The following CPA6 variants were observed in gnomAD, a reference collection of about 807,000 sequenced individuals.
CPA6 encodes the protein carboxypeptidase A6, also known as carboxypeptidase B.
In CPA6, 58 loss-of-function variants were observed where a neutral mutation model predicts 63.3. The observed-to-expected ratio is 0.92, with a 90% CI of 0.74 to 1.14. The LOEUF is 1.14. CPA6 is among the 50% of genes most tolerant of loss of function. The probability of loss-of-function intolerance (pLI) is 0.00; values close to 1 mark genes in which losing one functional copy is unlikely to be tolerated. For missense variants in CPA6, 565 were observed against 526.6 expected (o/e 1.07, Z -0.71); for synonymous variants, 185 against 179.0 (o/e 1.03, Z -0.27).
chr8:67,518,939 T>G (rs1326790909), intron 2 of CPA6, among the ~76,000 whole-genome samples: 1 of 152,132 alleles, frequency 6.6e-6, no homozygotes, highest in Non-Finnish European at 1.5e-5. Flanking sequence ...GTAGGTCTCC[T>G]TGTCATAGTT....
intron 1 of CPA6, among the ~76,000 whole-genome samples, chr8:67,633,611 G>A (rs1815394936): frequency 6.6e-6 from 1 of 151,582 alleles, no homozygotes; most frequent in South Asian, 2.1e-4. Flanking sequence ...AACCAGGGAG[G>A]CGGAGCTTGC....
intron 2 of CPA6, among the ~76,000 whole-genome samples, chr8:67,573,614 C>T (rs78628575): frequency 0.068 from 10,309 of 151,814 alleles, 633 homozygotes; most frequent in African/African-American, 0.16. Flanking sequence ...GGAAAGAGGC[C>T]GGGCACGGTG....
chr8:67,610,890 A>G (rs76882049), intron 2 of CPA6, among the ~76,000 whole-genome samples: 3,948 of 152,302 alleles, frequency 0.026, 83 homozygotes, highest in African/African-American at 0.062. Flanking sequence ...ATTTTTTTCA[A>G]TCTATAAATT....
intron 1 of CPA6, among the ~76,000 whole-genome samples, chr8:67,640,316 G>A (rs1278128612): frequency 1.3e-5 from 2 of 151,318 alleles, no homozygotes; most frequent in East Asian, 1.9e-4. Flanking sequence ...GGCCAGCATC[G>A]AGCTGCCTTC....
chr8:67,531,867 T>C (rs1448350266), intron 2 of CPA6, among the ~76,000 whole-genome samples: 4 of 152,300 alleles, frequency 2.6e-5, no homozygotes, highest in Admixed American at 6.5e-5. Flanking sequence ...TGATCTCTGA[T>C]TACAATGTAA....
intron 1 of CPA6, among the ~76,000 whole-genome samples, chr8:67,651,369 A>C (rs188686264): frequency 5.2e-4 from 79 of 152,298 alleles, no homozygotes; most frequent in Middle Eastern, 3.4e-3. Flanking sequence ...GCAGCATGGA[A>C]TTGCCTAATG....
chr8:67,522,957 T>C (rs1229311144), intron 2 of CPA6, among the ~76,000 whole-genome samples: 6 of 152,224 alleles, frequency 3.9e-5, no homozygotes, highest in African/African-American at 1.4e-4. Context: ...GCTGACAAAG[T>C]GGTACCGAAG....
chr8:67,518,020 A>T lies in CPA6; in HGVS notation c.220T>A (p.Ser74Thr). 6.2e-7 allele frequency: 1 copy of T among 1,608,048 alleles called. No homozygotes were observed. Among genetic ancestry groups the T allele is most frequent in the Non-Finnish European group, 8.5e-7 (1 of 1,177,830 alleles). Residue 74 changes from serine to threonine, a missense_variant, in exon 3 of 11, where the codon TCC (serine) becomes ACC (threonine). Coordinates refer to ENST00000297770, the MANE Select transcript of CPA6 (RefSeq NM_020361.5). Reference sequence around the variant, plus strand: ...GTAACTGTTCCCTCTGATACATAGGAGATACTGCTGGGCTGCCACAGGTCC... The same window carrying T: ...GTAACTGTTCCCTCTGATACATAGGTGATACTGCTGGGCTGCCACAGGTCC... ...KVDLWQPSSI[S>T]YVSEGTVTDV... is the part of the protein sequence containing the mutation.
At chr8:67,532,733 AC>A (rs1461448640) in intron 2 of CPA6, among the ~76,000 whole-genome samples, 1 of 152,192 alleles carries the variant, frequency 6.6e-6, no homozygotes, top group Non-Finnish European at 1.5e-5. Context: ...AACATAATTT[AC>A]CAAAATATAA....
chr8:67,534,882 G>A (rs1026983814), intron 2 of CPA6, among the ~76,000 whole-genome samples: 4 of 87,456 alleles, frequency 4.6e-5, no homozygotes, highest in Non-Finnish European at 9.6e-5. Context: ...CCCACCCCCC[G>A]ACAGGCCCTG....
intron 1 of CPA6, among the ~76,000 whole-genome samples, chr8:67,673,566 GTA>G (rs1816401690): frequency 7.9e-6 from 1 of 126,650 alleles, no homozygotes; most frequent in East Asian, 2.2e-4. Flanking sequence ...TTTTTTTTTT[GTA>G]TTTTTAGTAG....
At chr8:67,533,424 T>C (rs1812518805) in intron 2 of CPA6, among the ~76,000 whole-genome samples, 1 of 152,252 alleles carries the variant, frequency 6.6e-6, no homozygotes, top group Admixed American at 6.5e-5. Context: ...TATAGACTGA[T>C]TGGCATGACT....
chr8:67,501,191 A>G (rs1462309261), intron 6 of CPA6, among the ~76,000 whole-genome samples: 1 of 151,968 alleles, frequency 6.6e-6, no homozygotes, highest in Non-Finnish European at 1.5e-5. Flanking sequence ...AAATCTCCCA[A>G]TCCATGAATG....
At position 67,432,126 on chromosome 8, in the gene CPA6, G is replaced by A. The variant is rs76551107; in HGVS notation, c.1041+1912C>T. 4.1e-4 allele frequency among the ~76,000 whole-genome samples: 63 copies of A among 152,282 alleles called. No individual in the cohort carries two copies. In the East Asian group the frequency reaches 0.01, roughly 25 times the overall value. ...ATGAGATGACTTGGGGCTGGAGGCCGCTAAGTAGCTTCAGGATGCAGGGTG... is the reference window on the plus strand; with the variant it reads ...ATGAGATGACTTGGGGCTGGAGGCCACTAAGTAGCTTCAGGATGCAGGGTG... On this transcript the variant is annotated intron_variant, in intron 9 of 10. Coordinates refer to ENST00000297770, the MANE Select transcript of CPA6 (RefSeq NM_020361.5).
intron 2 of CPA6, among the ~76,000 whole-genome samples, chr8:67,609,093 C>T (rs891175855): frequency 7.2e-5 from 11 of 152,192 alleles, no homozygotes; most frequent in Non-Finnish European, 2.9e-5. Flanking sequence ...CATTGCACAA[C>T]GTCCTTTGAT....
chr8:67,475,763 CTTTCTCTTTCTT>C (rs1168416242), intron 8 of CPA6, among the ~76,000 whole-genome samples: 1 of 115,688 alleles, frequency 8.6e-6, no homozygotes. Flanking sequence ...TTTTTTCTTT[CTTTCTCTTTCTT>C]TCTTTCTTTC....
At chr8:67,652,813 C>T (rs1412819240) in intron 1 of CPA6, among the ~76,000 whole-genome samples, 4 of 151,892 alleles carry the variant, frequency 2.6e-5, no homozygotes, top group Non-Finnish European at 5.9e-5. Context: ...AAGTCCTTGC[C>T]CATGCCTATG....
At chr8:67,469,434 T>C (rs954919448) in intron 8 of CPA6, among the ~76,000 whole-genome samples, 1 of 152,126 alleles carries the variant, frequency 6.6e-6, no homozygotes, top group Non-Finnish European at 1.5e-5. Context: ...GGTGAAACCC[T>C]GTCTCTACTA....
At chr8:67,574,078 T>C (rs1813559784) in intron 2 of CPA6, among the ~76,000 whole-genome samples, 1 of 151,848 alleles carries the variant, frequency 6.6e-6, no homozygotes, top group African/African-American at 2.4e-5. Flanking sequence ...TTTTCGTAGC[T>C]GTAGAAAAAG....
Sources: gnomAD v4.1 joint callset for allele counts (sites outside exome capture counted in the v4.1 genomes callset) on GRCh38, gnomAD v4.1.1 for gene constraint, MANE v1.5 for transcripts, NCBI Gene and HGNC (gene_info 2026-07-23, HGNC 2026-07-21) for gene names.